OSMR: variants seen among roughly 807,000 people sequenced by gnomAD.
OSMR encodes oncostatin M receptor.
OSMR carries 81 observed loss-of-function variants against 99.9 expected under a neutral mutation model. The observed-to-expected ratio is 0.81, with a 90% CI of 0.68 to 0.97. OSMR has a LOEUF of 0.97. Among genes scored for constraint, OSMR ranks in the 50% least tolerant of loss-of-function variants. OSMR has a pLI of 0.00. For missense variants in OSMR, 1,099 were observed against 1,153.4 expected, an observed-to-expected ratio of 0.95 and a Z score of 0.68; for synonymous variants, 406 against 410.4, an observed-to-expected ratio of 0.99 and a Z score of 0.13.
intron 1 of OSMR, among the ~76,000 whole-genome samples, chr5:38,855,191 G>A (rs1740744747): frequency 6.6e-6 from 1 of 152,142 alleles, no homozygotes; most frequent in Non-Finnish European, 1.5e-5. Flanking sequence ...CTGCAGGAGG[G>A]GCCACAGTAG....
intron 14 of OSMR, 27 bp from the exon 15 acceptor site, chr5:38,925,177 A>G (rs745859080): frequency 6.8e-6 from 11 of 1,606,814 alleles, no homozygotes; most frequent in East Asian, 2.2e-5. Context: ...TTTTTCCTTG[A>G]AAAAAAAACC....
intron 9 of OSMR, among the ~76,000 whole-genome samples, chr5:38,906,803 C>A (rs1344455841): frequency 1.3e-5 from 2 of 151,950 alleles, no homozygotes; most frequent in African/African-American, 4.8e-5. Flanking sequence ...TGTTATGTTC[C>A]AAAACAGTTC....
intron 3 of OSMR, among the ~76,000 whole-genome samples, chr5:38,877,915 G>A (rs1742969142): frequency 6.6e-6 from 1 of 152,118 alleles, no homozygotes; most frequent in African/African-American, 2.4e-5. Context: ...CTCTTTTCAA[G>A]GGAAAGCAGC....
At chr5:38,943,966 T>C (rs1218615697) in intron 1 of OSMR, among the ~76,000 whole-genome samples, 1 of 152,170 alleles carries the variant, frequency 6.6e-6, no homozygotes, top group Non-Finnish European at 1.5e-5. Flanking sequence ...AACTTTTTGG[T>C]CTCAGGACTT....
At chr5:38,928,854 T>G (rs1746592034) in intron 15 of OSMR, among the ~76,000 whole-genome samples, 1 of 152,154 alleles carries the variant, frequency 6.6e-6, no homozygotes, top group South Asian at 2.1e-4. Context: ...ATTTTAAATT[T>G]ATTTTCAGGT....
chr5:38,932,016 G>C (rs1381221964), intron 16 of OSMR, 52 bp downstream of exon 16: 1 of 1,325,418 alleles, frequency 7.5e-7, no homozygotes, highest in South Asian at 1.2e-5. Context: ...GAAAAGTCTG[G>C]AAAGAGATTT....
intron 7 of OSMR, among the ~76,000 whole-genome samples, chr5:38,902,644 T>G (rs1744970222): frequency 6.6e-6 from 1 of 152,190 alleles, no homozygotes; most frequent in African/African-American, 2.4e-5. Context: ...ACTGCACCGT[T>G]TGGGTCTGCA....
At chr5:38,862,116 T>C (rs1445339544) in intron 1 of OSMR, among the ~76,000 whole-genome samples, 1 of 99,540 alleles carries the variant, frequency 1.0e-5, no homozygotes, top group African/African-American at 4.0e-5. Flanking sequence ...CCCACCTCCC[T>C]CCCGGACGGG....
intron 1 of OSMR, among the ~76,000 whole-genome samples, chr5:38,847,245 A>C (rs1739920416): frequency 6.6e-6 from 1 of 152,214 alleles, no homozygotes; most frequent in South Asian, 2.1e-4. Context: ...ATCACCTCTT[A>C]GTTTCCTTGT....
chr5:38,882,250 C>G (rs1173120512), intron 4 of OSMR, among the ~76,000 whole-genome samples: 1 of 152,108 alleles, frequency 6.6e-6, no homozygotes, highest in Non-Finnish European at 1.5e-5. Context: ...GTGTGTAAAC[C>G]AATGAGACAG....
chr5:38,883,538 AC>A (rs1245926778), intron 4 of OSMR: 1 of 219,922 alleles, frequency 4.5e-6, no homozygotes, highest in African/African-American at 2.3e-5. Context: ...GAAAGCAGTT[AC>A]AATAACCCAG....
chr5:38,893,491 A>C (rs1326674904), intron 7 of OSMR, among the ~76,000 whole-genome samples: 2 of 152,260 alleles, frequency 1.3e-5, no homozygotes, highest in Non-Finnish European at 2.9e-5. Context: ...GAAATCAATT[A>C]GAACTACTGG....
At position 38,886,038 on chromosome 5, in the gene OSMR, G is replaced by T. The variant is rs754828059; in HGVS notation, c.840-1G>T. ...TGTGTTATTTTGTTTTGTTTTTAAA[G>T]ATTTTCTGGGGAAAAGAAACTTTGT... On this transcript the variant is annotated splice_acceptor_variant, in intron 6 of 17. Coordinates refer to ENST00000274276, the MANE Select transcript of OSMR (RefSeq NM_003999.3). LOFTEE classifies it high-confidence loss of function. 3 of 1,612,948 alleles carry T rather than the reference G, an allele frequency of 1.9e-6. No individual in the cohort carries two copies. The Admixed American group carries it at 5.0e-5, about 27-fold the overall frequency.
chr5:38,903,550 T>G (rs578174649), intron 7 of OSMR, among the ~76,000 whole-genome samples: 1 of 152,342 alleles, frequency 6.6e-6, no homozygotes, highest in Admixed American at 6.5e-5. Flanking sequence ...AATGTTATTT[T>G]GGTTACACTC....
intron 2 of OSMR, among the ~76,000 whole-genome samples, chr5:38,872,730 T>TA (rs1369228994): frequency 1.3e-5 from 2 of 152,222 alleles, no homozygotes; most frequent in Non-Finnish European, 2.9e-5. Context: ...TAATTACTGT[T>TA]ATAATGACTG....
downstream of OSMR, chr5:38,939,624 T>C (rs1408410930): frequency 1.7e-5 from 4 of 231,402 alleles, no homozygotes; most frequent in Non-Finnish European, 3.4e-5. Context: ...AAATAACAAT[T>C]CACTTTACGA....
At chr5:38,861,088 C>T (rs1579635242) in intron 1 of OSMR, among the ~76,000 whole-genome samples, 1 of 152,216 alleles carries the variant, frequency 6.6e-6, no homozygotes, top group African/African-American at 2.4e-5. Context: ...TTTGAGGAAA[C>T]ACTTGATATG....
chr5:38,881,375 AG>A, intron 3 of OSMR: 1 of 490,710 alleles, frequency 2.0e-6, no homozygotes, highest in Non-Finnish European at 2.7e-6. Flanking sequence ...GGAAGACCAT[AG>A]TGATTGGAAG....
rs1294567406 is a variant in OSMR at position 38,904,521 on chromosome 5, C to A, written c.1285+18C>A. 6 of 1,613,932 alleles carry A rather than the reference C, an allele frequency of 3.7e-6. No homozygotes were observed. The highest frequency in any genetic ancestry group is 3.3e-5 in the South Asian group (3 of 91,082). ...TGAAGCTGGTATGTTCAGCCCCTGG[C>A]ATTTAACCCAAAGAAGTAGGTCTTA... On this transcript the variant is annotated intron_variant, in intron 9 of 17. Transcript: ENST00000274276.
Sources: gnomAD v4.1 joint callset for allele counts (sites outside exome capture counted in the v4.1 genomes callset) on GRCh38, gnomAD v4.1.1 for gene constraint, MANE v1.5 for transcripts, NCBI Gene and HGNC (gene_info 2026-07-23, HGNC 2026-07-21) for gene names.